The following PKIA variants were observed in gnomAD, a reference collection of about 807,000 sequenced individuals.
The protein encoded by PKIA is PKI-alpha.
In PKIA, 4 loss-of-function variants were observed where a neutral mutation model predicts 7.6. That is an observed-to-expected ratio of 0.52 (90% CI 0.26 to 1.20). The LOEUF (loss-of-function observed/expected upper bound fraction) is 1.20, where lower values mean the gene tolerates loss of function less well. PKIA is among the 50% of genes most tolerant of loss of function. The pLI is 0.13. For missense variants in PKIA, 73 were observed against 86.2 expected (o/e 0.85, Z 0.61); for synonymous variants, 21 against 30.7 (o/e 0.68, Z 1.04).
intron 1 of PKIA, among the ~76,000 whole-genome samples, chr8:78,560,643 G>A (rs1030079879): frequency 1.3e-5 from 2 of 152,196 alleles, no homozygotes; most frequent in Admixed American, 1.3e-4. Context: ...AAGGGACAGG[G>A]ATAATTTTTA....
At chr8:78,534,967 T>C (rs780719024) in intron 1 of PKIA, 34 of 152,162 alleles carry the variant, frequency 2.2e-4, no homozygotes, top group Non-Finnish European at 4.3e-4. Context: ...GCATTTAAAG[T>C]TTCCCTGCCA....
intron 1 of PKIA, among the ~76,000 whole-genome samples, chr8:78,566,473 C>T (rs141124854): frequency 6.6e-6 from 1 of 151,986 alleles, no homozygotes; most frequent in Admixed American, 6.6e-5. Context: ...AAAGATTTCC[C>T]CTGTGGAGAT....
chr8:78,518,721 A>C (rs1414199189), intron 1 of PKIA, among the ~76,000 whole-genome samples: 1 of 152,162 alleles, frequency 6.6e-6, no homozygotes, highest in African/African-American at 2.4e-5. Context: ...GGTGCTGCCT[A>C]AGGTGGAATA....
chr8:78,527,314 G>GT (rs1256024942), intron 1 of PKIA, among the ~76,000 whole-genome samples: 1 of 151,934 alleles, frequency 6.6e-6, no homozygotes, highest in Non-Finnish European at 1.5e-5. Flanking sequence ...CTTTAAACAT[G>GT]TATGTACATA....
chr8:78,583,994 C>T (rs887172531), intron 2 of PKIA, among the ~76,000 whole-genome samples: 4 of 152,030 alleles, frequency 2.6e-5, no homozygotes, highest in Non-Finnish European at 4.4e-5. Flanking sequence ...TCATGTTTTC[C>T]CATTTCATAT....
At chr8:78,580,837 A>T (rs1407060956) in intron 2 of PKIA, among the ~76,000 whole-genome samples, 1 of 152,106 alleles carries the variant, frequency 6.6e-6, no homozygotes, top group African/African-American at 2.4e-5. Flanking sequence ...CTGGTGCTGG[A>T]TGAAAATGGG....
intron 2 of PKIA, among the ~76,000 whole-genome samples, chr8:78,589,873 T>G (rs1310053178): frequency 2.0e-5 from 3 of 152,196 alleles, no homozygotes; most frequent in Non-Finnish European, 4.4e-5. Context: ...TTATCACAAG[T>G]AAAGCACCTT....
intron 1 of PKIA, among the ~76,000 whole-genome samples, chr8:78,523,527 A>C (rs1423014297): frequency 6.6e-6 from 1 of 151,876 alleles, no homozygotes; most frequent in Non-Finnish European, 1.5e-5. Flanking sequence ...TACATTCCTC[A>C]CTTATATACT....
chr8:78,519,217 T>C (rs1809371356), intron 1 of PKIA, among the ~76,000 whole-genome samples: 1 of 152,132 alleles, frequency 6.6e-6, no homozygotes, highest in South Asian at 2.1e-4. Context: ...TAGACAGTGT[T>C]ACCAGATATT....
At chr8:78,527,630 C>A (rs1043151600) in intron 1 of PKIA, among the ~76,000 whole-genome samples, 2 of 151,874 alleles carry the variant, frequency 1.3e-5, no homozygotes, top group Admixed American at 1.3e-4. Flanking sequence ...TATGAATTTA[C>A]CTATTTCAGA....
Position 78,603,335 on chromosome 8 carries a change from A to C in PKIA, c.*1514A>C, listed in dbSNP as rs1202059482. Reference sequence around the variant, plus strand: ...CCTTGCCACGTGAAGTAGGTAGAGCAGCATTTCAATAGGTAATTTGTGTGG... The same window carrying C: ...CCTTGCCACGTGAAGTAGGTAGAGCCGCATTTCAATAGGTAATTTGTGTGG... On this transcript the variant is annotated 3_prime_UTR_variant, in exon 4 of 4. Coordinates refer to ENST00000396418, the MANE Select transcript of PKIA (RefSeq NM_006823.4). 1 of 152,258 alleles carries C rather than the reference A, an allele frequency of 6.6e-6. No homozygotes were observed. The highest frequency in any genetic ancestry group is 1.9e-4 in the East Asian group (1 of 5,168). 9.4% of individuals were successfully genotyped at this position (152,258 alleles called of 1,614,324 possible).
chr8:78,541,085 C>A (rs923903467), intron 1 of PKIA, among the ~76,000 whole-genome samples: 12 of 152,032 alleles, frequency 7.9e-5, no homozygotes, highest in Non-Finnish European at 8.8e-5. Context: ...TTCAATTCAG[C>A]CCAACCTCAA....
intron 1 of PKIA, among the ~76,000 whole-genome samples, chr8:78,566,818 G>A (rs1164141512): frequency 2.0e-5 from 3 of 152,072 alleles, no homozygotes; most frequent in Non-Finnish European, 2.9e-5. Context: ...AATCATGCCC[G>A]TGGCAAACAA....
intron 1 of PKIA, among the ~76,000 whole-genome samples, chr8:78,544,433 T>A (rs1214857935): frequency 6.6e-6 from 1 of 152,172 alleles, no homozygotes; most frequent in Non-Finnish European, 1.5e-5. Context: ...GTCCTTCTCA[T>A]GGGTTCACCT....
At chr8:78,534,995 A>G (rs1806485361) in intron 1 of PKIA, 1 of 152,190 alleles carries the variant, frequency 6.6e-6, no homozygotes. Flanking sequence ...ACCAGTAAAC[A>G]GCAGTGATGG....
intron 2 of PKIA, among the ~76,000 whole-genome samples, chr8:78,584,517 A>G (rs575684377): frequency 1.3e-5 from 2 of 152,250 alleles, no homozygotes; most frequent in Admixed American, 6.6e-5. Flanking sequence ...GTGACATGCA[A>G]TGATGAAAGC....
chr8:78,578,154 A>G (rs575889805), intron 2 of PKIA, among the ~76,000 whole-genome samples: 1 of 152,146 alleles, frequency 6.6e-6, no homozygotes, highest in Admixed American at 6.6e-5. Context: ...CCTGAGTCTT[A>G]GTCTTCACCC....
At position 78,598,512 on chromosome 8, in the gene PKIA, C is replaced by G; in HGVS notation, c.128C>G (p.Ala43Gly). The change falls in exon 3 of 4, where the codon GCA becomes GGA. Residue 43 changes from alanine (A) to glycine (G), a missense_variant. Transcript: ENST00000396418. The stretch of plus-strand genomic sequence containing the variant: ...AGCAATGAATTAGCCTTGAAATTAG[C>G]AGGTCTTGATATCAACAAGACAGGT... ...GNSNELALKL[A>G]GLDINKTEGE... The G allele has an allele frequency of 6.2e-7, 1 of 1,609,866 alleles. No homozygotes were observed. The highest frequency in any genetic ancestry group is 8.5e-7 in the Non-Finnish European group (1 of 1,177,292).
At chr8:78,517,552 A>G (rs915726540) in intron 1 of PKIA, among the ~76,000 whole-genome samples, 3 of 152,158 alleles carry the variant, frequency 2.0e-5, no homozygotes, top group Non-Finnish European at 2.9e-5. Context: ...TTCCTCAAGA[A>G]CCTCAAAAGA....
Sources: allele counts gnomAD v4.1 joint callset (sites outside exome capture counted in the v4.1 genomes callset), GRCh38; gene constraint gnomAD v4.1.1; transcripts MANE v1.5; gene names NCBI Gene and HGNC (gene_info 2026-07-23, HGNC 2026-07-21).